The following PPA2 variants were observed in gnomAD, a reference collection of about 807,000 sequenced individuals.
PPA2 encodes the protein inorganic pyrophosphatase 2, mitochondrial.
A neutral mutation model predicts 49.5 loss-of-function variants in PPA2; 48 were observed. The ratio of observed to expected loss-of-function variants is 0.97; its 90% confidence interval spans 0.77 to 1.23. PPA2 has a LOEUF of 1.23. PPA2 is among the 50% of genes most tolerant of loss of function. The pLI, the probability that PPA2 is intolerant of heterozygous loss-of-function variation, is 0.00. For synonymous variants in PPA2, 131 were observed against 139.9 expected, an observed-to-expected ratio of 0.94 and a Z score of 0.45; for missense variants, 429 against 410.1, an observed-to-expected ratio of 1.05 and a Z score of -0.40.
At chr4:105,418,009 T>TA (rs1444909165) in intron 7 of PPA2, among the ~76,000 whole-genome samples, 3 of 152,056 alleles carry the variant, frequency 2.0e-5, no homozygotes, top group Non-Finnish European at 2.9e-5. Context: ...TCTCTATCCT[T>TA]AAAAAAAGAG....
intron 7 of PPA2, among the ~76,000 whole-genome samples, chr4:105,400,573 T>C (rs1387025819): frequency 2.0e-5 from 3 of 152,126 alleles, no homozygotes; most frequent in Non-Finnish European, 4.4e-5. Context: ...GTGGAGGCTG[T>C]AGTCAGCCAA....
chr4:105,434,536 A>C (rs1055283583), intron 6 of PPA2, among the ~76,000 whole-genome samples: 2 of 152,208 alleles, frequency 1.3e-5, no homozygotes, highest in African/African-American at 4.8e-5. Context: ...TCTCTCATAA[A>C]GAATTATCCA....
chr4:105,474,061 A>T lies in PPA2; in HGVS notation c.-11T>A. 6.4e-7 allele frequency: 1 copy of T among 1,563,350 alleles called. No homozygotes were observed. Among genetic ancestry groups the T allele is most frequent in the Non-Finnish European group, 8.7e-7 (1 of 1,153,212 alleles). ...CAGCAGCGCGCTCATGGCGTCAATG[A>T]CGGTCCTGCTGTGCGCGCGGAGCTA... is the stretch of plus-strand genomic sequence containing the variant. On this transcript the variant is annotated 5_prime_UTR_variant, in exon 1 of 12. Transcript: ENST00000341695.
At chr4:105,413,669 A>C (rs1024168784) in intron 7 of PPA2, among the ~76,000 whole-genome samples, 4 of 152,254 alleles carry the variant, frequency 2.6e-5, no homozygotes, top group Admixed American at 1.3e-4. Flanking sequence ...AGACATTCCA[A>C]AACAGGAGGA....
chr4:105,398,753 C>T (rs778765259), intron 8 of PPA2: 5 of 225,636 alleles, frequency 2.2e-5, no homozygotes, highest in African/African-American at 4.6e-5. Flanking sequence ...TTTCTATGTA[C>T]ACAATTTGCA....
At chr4:105,419,079 A>G (rs1258528245) in intron 7 of PPA2, among the ~76,000 whole-genome samples, 1 of 152,186 alleles carries the variant, frequency 6.6e-6, no homozygotes, top group Non-Finnish European at 1.5e-5. Flanking sequence ...TAGGGTACCA[A>G]TAAGAGCATT....
intron 7 of PPA2, among the ~76,000 whole-genome samples, chr4:105,410,741 G>A (rs1299734504): frequency 6.6e-6 from 1 of 152,218 alleles, no homozygotes; most frequent in Non-Finnish European, 1.5e-5. Context: ...CAAGCCAGAA[G>A]AGAGTGGGGG....
At chr4:105,397,085 G>A (rs114734377) in intron 8 of PPA2, among the ~76,000 whole-genome samples, 452 of 152,298 alleles carry the variant, frequency 3.0e-3, no homozygotes, top group African/African-American at 0.01. Context: ...TTCCAAAGCA[G>A]AAAGTTCTTT....
intron 2 of PPA2, chr4:105,456,453 CTAAGTTT>C: frequency 2.0e-6 from 1 of 498,326 alleles, no homozygotes; most frequent in South Asian, 2.1e-5. Context: ...CTACCGAATT[CTAAGTTT>C]TATGTACCAG....
In PPA2 at chr4:105,474,002, A is replaced by C; in HGVS notation, c.49T>G (p.Cys17Gly). ...CCTGCACTGGTCCCCAACCGCAGGCACGCAGCGGCTGGGGCACCCGTGCGC... is the reference window on the plus strand; with the variant it reads ...CCTGCACTGGTCCCCAACCGCAGGCCCGCAGCGGCTGGGGCACCCGTGCGC... ...LLRTGAPAAA[C>G]LRLGTSAGTG... The change falls in exon 1 of 12, where the codon TGC (cysteine) becomes GGC (glycine). Residue 17 changes from cysteine to glycine, a missense_variant. By Grantham distance (159) the Cys-to-Gly change is radical. Transcript: ENST00000341695. 6.2e-7 allele frequency: 1 copy of C among 1,606,080 alleles called. No individual in the cohort carries two copies. The highest frequency in any genetic ancestry group is 8.5e-7 in the Non-Finnish European group (1 of 1,176,742).
chr4:105,400,211 A>G (rs1221850740), intron 7 of PPA2, among the ~76,000 whole-genome samples: 1 of 152,216 alleles, frequency 6.6e-6, no homozygotes, highest in African/African-American at 2.4e-5. Flanking sequence ...TTGTTATAAC[A>G]AAACAAACAG....
intron 6 of PPA2, among the ~76,000 whole-genome samples, chr4:105,429,475 A>G (rs574000702): frequency 6.6e-6 from 1 of 152,346 alleles, no homozygotes; most frequent in African/African-American, 2.4e-5. Flanking sequence ...GTTAAGAAAA[A>G]AGTCATTTTA....
At chr4:105,372,256 G>A (rs1408739065) in intron 10 of PPA2, among the ~76,000 whole-genome samples, 1 of 152,114 alleles carries the variant, frequency 6.6e-6, no homozygotes, top group African/African-American at 2.4e-5. Flanking sequence ...CATGCCTCCT[G>A]GTGAATCTAT....
chr4:105,424,625 A>G (rs1723407890), intron 6 of PPA2, among the ~76,000 whole-genome samples: 1 of 152,222 alleles, frequency 6.6e-6, no homozygotes, highest in Admixed American at 6.5e-5. Context: ...ATTAAACAAC[A>G]GGCAGTACAG....
intron 7 of PPA2, chr4:105,405,078 G>A (rs559211132): frequency 5.5e-5 from 24 of 434,056 alleles, no homozygotes; most frequent in African/African-American, 2.6e-4. Context: ...GTGAGACTCC[G>A]CCTCAAAAAT....
intron 2 of PPA2, chr4:105,456,280 A>T (rs762924555): frequency 2.2e-6 from 1 of 464,822 alleles, no homozygotes; most frequent in Non-Finnish European, 4.3e-6. Flanking sequence ...AAATGCCTTG[A>T]GCCTCAGTGT....
intron 6 of PPA2, among the ~76,000 whole-genome samples, chr4:105,436,704 C>CA (rs1463741686): frequency 6.6e-6 from 1 of 151,710 alleles, no homozygotes; most frequent in Admixed American, 6.6e-5. Context: ...CAACAAATAA[C>CA]AAAAAAATAA....
At chr4:105,470,663 G>A (rs17035634) in intron 1 of PPA2, among the ~76,000 whole-genome samples, 3,579 of 152,106 alleles carry the variant, frequency 0.024, 132 homozygotes, top group African/African-American at 0.076. Flanking sequence ...AAGTCAAAAG[G>A]GAAAAATAAA....
intron 2 of PPA2, chr4:105,456,153 CCT>C (rs770499043): frequency 4.3e-5 from 18 of 416,126 alleles, no homozygotes; most frequent in Non-Finnish European, 7.9e-5. Context: ...CATTTTTACC[CCT>C]GCTTTATTTC....
Sources: gnomAD v4.1 joint callset for allele counts (sites outside exome capture counted in the v4.1 genomes callset) on GRCh38, gnomAD v4.1.1 for gene constraint, MANE v1.5 for transcripts, NCBI Gene and HGNC (gene_info 2026-07-23, HGNC 2026-07-21) for gene names.